Variants in CYP4A11 observed in about 807,000 individuals in gnomAD.
The protein encoded by CYP4A11 is cytochrome P450 4A11.
A neutral mutation model predicts 57.7 loss-of-function variants in CYP4A11; 52 were observed. The observed-to-expected ratio is 0.90, with a 90% CI of 0.72 to 1.14. The LOEUF (loss-of-function observed/expected upper bound fraction) is 1.14. Among genes scored for constraint, CYP4A11 ranks in the 50% most tolerant of loss-of-function variants. The pLI is 0.00. For synonymous variants in CYP4A11, 228 were observed against 247.1 expected, an observed-to-expected ratio of 0.92 and a Z score of 0.72; for missense variants, 641 against 642.1, an observed-to-expected ratio of 1.00 and a Z score of 0.02.
intron 11 of CYP4A11, chr1:46,932,274 A>T (rs1240677081): frequency 2.0e-6 from 2 of 1,014,314 alleles, no homozygotes; most frequent in Admixed American, 1.0e-4. Flanking sequence ...GGTCATCTGT[A>T]TTATAAACAG....
In CYP4A11 at chr1:46,934,026, C is replaced by A; in HGVS notation, c.1142G>T (p.Arg381Met). The A allele has an allele frequency of 6.2e-7, 1 of 1,613,902 alleles. No homozygotes were observed. The highest frequency in any genetic ancestry group is 8.5e-7 in the Non-Finnish European group (1 of 1,179,986). The change falls in exon 9 of 12, where the codon AGG becomes ATG. Residue 381 changes from arginine to methionine, a missense_variant. Coordinates refer to ENST00000310638, the MANE Select transcript of CYP4A11 (RefSeq NM_000778.4). Reference sequence around the variant, plus strand: ...AATGCCTGGCACCGGTGGGTAGAGCCTCAGTGCCTCCTTAATGCACATGGT... The same window carrying A: ...AATGCCTGGCACCGGTGGGTAGAGCATCAGTGCCTCCTTAATGCACATGGT... Reference protein sequence around the residue: ...YTTMCIKEALRLYPPVPGIGR... With the variant: ...YTTMCIKEALMLYPPVPGIGR...
At chr1:46,937,117 G>C (rs1301215773) in intron 3 of CYP4A11, among the ~76,000 whole-genome samples, 185 bp downstream of exon 3, 1 of 152,156 alleles carries the variant, frequency 6.6e-6, no homozygotes, top group Non-Finnish European at 1.5e-5. Flanking sequence ...AGAAGAAGCT[G>C]AGCCTCAGGA....
intron 4 of CYP4A11, among the ~76,000 whole-genome samples, chr1:46,936,426 A>C (rs186937423): frequency 6.6e-6 from 1 of 152,222 alleles, no homozygotes; most frequent in Non-Finnish European, 1.5e-5. Context: ...AGGGCCTTGC[A>C]TTCACCATGA....
At chr1:46,940,880 T>A (rs539657685) in intron 1 of CYP4A11, 1 of 985,326 alleles carries the variant, frequency 1.0e-6, no homozygotes, top group East Asian at 1.1e-4. Context: ...AGTGATGGCA[T>A]TGAGTGACTG....
At position 46,930,070 on chromosome 1, in the gene CYP4A11, G is replaced by A. The variant is rs944953368; in HGVS notation, c.*45C>T. The A allele has an allele frequency of 1.3e-6, 2 of 1,573,184 alleles. No homozygotes were observed. Among genetic ancestry groups the A allele is most frequent in the Admixed American group, 1.8e-5 (1 of 56,848 alleles). Reference sequence around the variant, plus strand: ...AACAGGATATGGGCAGACAGGAAGGGGACAGAAGCGGGGGTCAGGAAGACA... The same window carrying A: ...AACAGGATATGGGCAGACAGGAAGGAGACAGAAGCGGGGGTCAGGAAGACA... On this transcript the variant is annotated 3_prime_UTR_variant, in exon 12 of 12. Transcript: ENST00000310638.
intron 4 of CYP4A11, 64 bp from the exon 5 acceptor site, chr1:46,935,711 C>T: frequency 6.4e-7 from 1 of 1,571,782 alleles, no homozygotes; most frequent in East Asian, 2.3e-5. Context: ...TAAGGCCTGG[C>T]TTTTTCATGT....
rs1570041444 is a variant in CYP4A11, at chr1:46,930,016, T to G, written c.*99A>C. On this transcript the variant is annotated 3_prime_UTR_variant, in exon 12 of 12. Transcript: ENST00000310638. ...GGCAGACTGGGGGACAGCAGGCAGG[T>G]GGGAAGAAGGGAAGGTGGGCAGACA... is the stretch of plus-strand genomic sequence containing the variant. 2.1e-6 allele frequency: 3 copies of G among 1,397,398 alleles called. No homozygotes were observed. The highest frequency in any genetic ancestry group is 1.9e-6 in the Non-Finnish European group (2 of 1,047,136). 86.6% of individuals were successfully genotyped at this position (1,397,398 alleles called of 1,614,324 possible).
intron 9 of CYP4A11, 39 bp downstream of exon 9, chr1:46,933,907 T>C (rs200165800): frequency 3.9e-5 from 63 of 1,612,782 alleles, no homozygotes; most frequent in South Asian, 9.9e-5. Flanking sequence ...CACACGTCCC[T>C]GTGGAGAGTT....
At chr1:46,930,533 T>C (rs533207068) in intron 11 of CYP4A11, among the ~76,000 whole-genome samples, 2 of 152,296 alleles carry the variant, frequency 1.3e-5, no homozygotes, top group South Asian at 2.1e-4. Context: ...TCCTAACTCC[T>C]ACCCTCTACC....
At chr1:46,940,122 T>G (rs547587912) in intron 1 of CYP4A11, among the ~76,000 whole-genome samples, 1 of 145,542 alleles carries the variant, frequency 6.9e-6, no homozygotes, top group Non-Finnish European at 1.5e-5. Flanking sequence ...GGATGGGCTG[T>G]GTCCCTCCTC....
intron 10 of CYP4A11, 58 bp from the exon 11 acceptor site, chr1:46,932,895 A>T (rs1310479814): frequency 1.9e-6 from 3 of 1,614,076 alleles, no homozygotes; most frequent in East Asian, 2.2e-5. Context: ...CTTGCCACCC[A>T]TGGGGGACAG....
rs750049317 is a variant in CYP4A11 at position 46,941,469 on chromosome 1, C to G, written c.-36G>C. The G allele has an allele frequency of 1.1e-5, 17 of 1,600,978 alleles. No individual in the cohort carries two copies. Among genetic ancestry groups the G allele is most frequent in the Non-Finnish European group, 1.5e-5 (17 of 1,171,562 alleles). ...CTGCTGGATCTCTGAGTGCCCCTAC[C>G]TCTCTCTGACCACCCCCGTCCCCCT... On this transcript the variant is annotated 5_prime_UTR_variant, in exon 1 of 12. Transcript: ENST00000310638.
chr1:46,934,257 G>A lies in CYP4A11; in HGVS notation c.1007C>T (p.Ala336Val), dbSNP rs541805813. The A allele has an allele frequency of 3.1e-6, 5 of 1,613,518 alleles. No homozygotes were observed. The highest frequency in any genetic ancestry group is 4.2e-6 in the Non-Finnish European group (5 of 1,179,780). The change falls in exon 8 of 12, where the codon GCT becomes GTT. Residue 336 changes from alanine to valine, a missense_variant. Coordinates refer to ENST00000310638, the MANE Select transcript of CYP4A11 (RefSeq NM_000778.4). ...TASGISWILY[A>V]LATHPKHQER... ...CTGATGCTTGGGGTGTGTGGCCAGA[G>A]CATAGAGGATCCAGGAGATCCCACT...
chr1:46,938,126 G>T lies in CYP4A11; in HGVS notation c.207C>A (p.Asp69Glu), dbSNP rs936004142. The T allele has an allele frequency of 1.9e-6, 3 of 1,614,088 alleles. No individual in the cohort carries two copies. In the African/African-American group the frequency reaches 4.0e-5, roughly 22 times the overall value. Residue 69 changes from aspartate (D) to glutamate (E), a missense_variant, in exon 2 of 12, where the codon GAC becomes GAA. Asp to Glu is a conservative substitution (Grantham distance 45). Coordinates refer to ENST00000310638, the MANE Select transcript of CYP4A11 (RefSeq NM_000778.4). ...ATTTCTGAATCCGTTGTAGCTCCTG[G>T]TCCTGTTGGAGCTGTCAACAAGGGT... ...LFGHIQELQQ[D>E]QELQRIQKWV...
intron 11 of CYP4A11, 95 bp from the exon 12 acceptor site, chr1:46,930,405 A>T (rs558117048): frequency 7.3e-7 from 1 of 1,377,582 alleles, no homozygotes; most frequent in Non-Finnish European, 9.9e-7. Flanking sequence ...TGAGCTGGAC[A>T]TTCAGTGCCC....
intron 1 of CYP4A11, among the ~76,000 whole-genome samples, chr1:46,940,259 C>A (rs1195069214): frequency 1.3e-5 from 2 of 152,212 alleles, no homozygotes; most frequent in African/African-American, 4.8e-5. Context: ...AATACACTAA[C>A]ACTAATGATA....
rs1557563781 is a variant in CYP4A11, at chr1:46,941,325, G to T, written c.109C>A (p.Leu37Ile). ...AGCAGCCACTGCCTGTGCAGGTAGA[G>T]CTGAACTGCCTTGATCAGCAGCAGA... ...LLLLLIKAVQ[L>I]YLHRQWLLKA... Residue 37 changes from leucine to isoleucine, a missense_variant, in exon 1 of 12, where the codon CTC (leucine) becomes ATC (isoleucine). Transcript: ENST00000310638. The T allele has an allele frequency of 1.2e-6, 2 of 1,614,192 alleles. No individual in the cohort carries two copies. Among genetic ancestry groups the T allele is most frequent in the Non-Finnish European group, 1.7e-6 (2 of 1,180,034 alleles).
In CYP4A11 at chr1:46,933,051, T is replaced by C; in HGVS notation, c.1223-4A>G. ...ATGGAGAGGAGGACCATGATACCTGTGGTGCAGGTTGGAAACAGAGAGAAG... is the reference window on the plus strand; with the variant it reads ...ATGGAGAGGAGGACCATGATACCTGCGGTGCAGGTTGGAAACAGAGAGAAG... On this transcript the variant is annotated splice_region_variant and splice_polypyrimidine_tract_variant and intron_variant, in intron 9 of 11. Coordinates refer to ENST00000310638, the MANE Select transcript of CYP4A11 (RefSeq NM_000778.4). The C allele has an allele frequency of 6.2e-7, 1 of 1,614,132 alleles. No homozygotes were observed. Among genetic ancestry groups the C allele is most frequent in the Non-Finnish European group, 8.5e-7 (1 of 1,180,004 alleles).
Position 46,934,014 on chromosome 1 carries a change from G to A in CYP4A11, c.1154C>T (p.Pro385Leu), listed in dbSNP as rs58590117. ...GAGCTCTCTGCCAATGCCTGGCACC[G>A]GTGGGTAGAGCCTCAGTGCCTCCTT... ...CIKEALRLYP[P>L]VPGIGRELST... The change falls in exon 9 of 12, where the codon CCG (proline) becomes CTG (leucine). Residue 385 changes from proline (P) to leucine (L), a missense_variant. Physicochemically the swap from Pro to Leu is moderately conservative, Grantham distance 98 (BLOSUM62 -3). Transcript: ENST00000310638. 4.9e-5 allele frequency: 79 copies of A among 1,614,014 alleles called. No homozygotes were observed. The South Asian group carries it at 5.5e-4, about 11-fold the overall frequency.
Sources: allele counts gnomAD v4.1 joint callset (sites outside exome capture counted in the v4.1 genomes callset), GRCh38; gene constraint gnomAD v4.1.1; transcripts MANE v1.5; gene names NCBI Gene and HGNC (gene_info 2026-07-23, HGNC 2026-07-21).